YTHDC1: variants seen among roughly 807,000 people sequenced by gnomAD.
The protein encoded by YTHDC1 is YTH domain-containing protein 1.
YTHDC1 carries 12 observed loss-of-function variants against 107.0 expected under a neutral mutation model. That is an observed-to-expected ratio of 0.11 (90% CI 0.07 to 0.18). The LOEUF is 0.18. YTHDC1 is among the 10% of genes least tolerant of loss of function. The pLI, the probability that YTHDC1 is intolerant of heterozygous loss-of-function variation, is 1.00. For missense variants in YTHDC1, 635 were observed against 898.8 expected, an observed-to-expected ratio of 0.71 and a Z score of 3.75; for synonymous variants, 280 against 289.5, an observed-to-expected ratio of 0.97 and a Z score of 0.33.
intron 1 of YTHDC1, among the ~76,000 whole-genome samples, chr4:68,344,394 G>A (rs555585664): frequency 9.2e-5 from 14 of 152,060 alleles, no homozygotes; most frequent in Middle Eastern, 3.4e-3. Context: ...TTAGTATACC[G>A]TATATAATAC....
rs1334575009 is a variant in YTHDC1, at chr4:68,323,382, T to C, written c.1435-467A>G. ...TTAAAATTAAATCATTTTCAGCTATTTGTAATTGAAAAAGTGAAAACATTT... is the reference window on the plus strand; with the variant it reads ...TTAAAATTAAATCATTTTCAGCTATCTGTAATTGAAAAAGTGAAAACATTT... On this transcript the variant is annotated intron_variant, in intron 10 of 16. Transcript: ENST00000344157. Among the ~76,000 whole-genome samples the C allele has an allele frequency of 1.3e-5, 2 of 152,244 alleles. 1 individual carries two copies. The highest frequency in any genetic ancestry group is 4.1e-4 in the South Asian group (2 of 4,838).
At chr4:68,346,102 C>T (rs371892879) in intron 1 of YTHDC1, among the ~76,000 whole-genome samples, 106 of 56,648 alleles carry the variant, frequency 1.9e-3, no homozygotes, top group African/African-American at 5.9e-3. Context: ...TATATATATA[C>T]ACACACACCT....
rs1721449915 is a variant in YTHDC1 at position 68,313,327 on chromosome 4, A to C, written c.*772T>G. ...GAAAAAGATACAAAAGATAACCGTCAATCTTTACCAATTTATTTTATACAA... is the reference window on the plus strand; with the variant it reads ...GAAAAAGATACAAAAGATAACCGTCCATCTTTACCAATTTATTTTATACAA... On this transcript the variant is annotated 3_prime_UTR_variant, in exon 17 of 17. Coordinates refer to ENST00000344157, the MANE Select transcript of YTHDC1 (RefSeq NM_001031732.4). The C allele has an allele frequency of 1.3e-5, 2 of 152,638 alleles. No homozygotes were observed. Among genetic ancestry groups the C allele is most frequent in the Non-Finnish European group, 2.9e-5 (2 of 68,040 alleles). The allele number at this position is 152,638 out of a possible 1,614,324, so 9.5% of individuals were successfully genotyped here.
At chr4:68,338,663 C>A (rs1341602248) in intron 1 of YTHDC1, among the ~76,000 whole-genome samples, 1 of 152,176 alleles carries the variant, frequency 6.6e-6, no homozygotes, top group Non-Finnish European at 1.5e-5. Flanking sequence ...CCAGCCTGGC[C>A]AACATGGCAA....
At position 68,322,844 on chromosome 4, in the gene YTHDC1, C is replaced by T. The variant is rs1338535917; in HGVS notation, c.1506G>A (p.Gln502=). 1 of 1,614,032 alleles carries T rather than the reference C, an allele frequency of 6.2e-7. No individual in the cohort carries two copies. The highest frequency in any genetic ancestry group is 8.5e-7 in the Non-Finnish European group (1 of 1,180,022). ...FPPDESIDLY[Q]VIHKMRHKRR... ...TCTTGTGACGCATTTTATGAATGACCTGATACAAGTCAATACTTTCATCGG... is the reference window on the plus strand; with the variant it reads ...TCTTGTGACGCATTTTATGAATGACTTGATACAAGTCAATACTTTCATCGG... Residue 502 remains glutamine, a synonymous_variant, in exon 11 of 17, where the codon CAG becomes CAA. Coordinates refer to ENST00000344157, the MANE Select transcript of YTHDC1 (RefSeq NM_001031732.4). The surrounding 1 kb of genome is among the most constrained non-coding windows in gnomAD (Gnocchi z 4.8).
intron 7 of YTHDC1, among the ~76,000 whole-genome samples, chr4:68,331,604 T>A (rs1327733115): frequency 6.6e-6 from 1 of 152,108 alleles, no homozygotes; most frequent in African/African-American, 2.4e-5. Context: ...ACTATGCATA[T>A]CTTTTTTGCA....
chr4:68,335,321 AC>A (rs1724035010), intron 4 of YTHDC1, among the ~76,000 whole-genome samples: 1 of 152,184 alleles, frequency 6.6e-6, no homozygotes, highest in Admixed American at 6.5e-5. Flanking sequence ...TTAATATAGT[AC>A]CTAAAGCATG....
intron 9 of YTHDC1, 87 bp from the exon 10 acceptor site, chr4:68,324,310 C>A: frequency 3.3e-6 from 4 of 1,200,660 alleles, no homozygotes; most frequent in Non-Finnish European, 4.8e-6. Flanking sequence ...CCTGTATTAA[C>A]TGTGACTTAA....
intron 1 of YTHDC1, among the ~76,000 whole-genome samples, chr4:68,342,888 A>G (rs1192804002): frequency 1.7e-5 from 1 of 59,614 alleles, no homozygotes; most frequent in Non-Finnish European, 3.8e-5. Flanking sequence ...CACTAGTTCT[A>G]GGTTGACTTT....
intron 4 of YTHDC1, among the ~76,000 whole-genome samples, chr4:68,335,290 TAAA>T (rs1724030575): frequency 6.6e-6 from 1 of 151,552 alleles, no homozygotes; most frequent in South Asian, 2.1e-4. Context: ...AACTATTGTA[TAAA>T]AAAAAATTTC....
At chr4:68,318,974 T>A (rs1480103592) in intron 12 of YTHDC1, 112 bp from the exon 13 acceptor site, 1 of 1,094,486 alleles carries the variant, frequency 9.1e-7, no homozygotes. Flanking sequence ...ATATGTACTT[T>A]AAGTGATGCT....
At chr4:68,317,225 CA>C (rs917772893) in intron 15 of YTHDC1, among the ~76,000 whole-genome samples, 4 of 148,102 alleles carry the variant, frequency 2.7e-5, no homozygotes, top group Non-Finnish European at 4.5e-5. Flanking sequence ...CCCTGTCTCT[CA>C]AAAAAAAAGT....
rs562250990 is a variant in YTHDC1, at chr4:68,345,591, G to A, written c.28+4135C>T. 4.6e-4 allele frequency among the ~76,000 whole-genome samples: 21 copies of A among 45,898 alleles called. No homozygotes were observed. The South Asian group carries it at 7.3e-3, about 16-fold the overall frequency. The allele number at this position is 45,898 out of a possible 152,430, so 30.1% of individuals were successfully genotyped here. ...AAACTTGGATTTCCCATCCAAAACC[G>A]CTCTTATAAAAACATACAATTTAAG... On this transcript the variant is annotated intron_variant, in intron 1 of 16. Coordinates refer to ENST00000344157, the MANE Select transcript of YTHDC1 (RefSeq NM_001031732.4).
chr4:68,324,426 C>A (rs1158138902), intron 9 of YTHDC1, among the ~76,000 whole-genome samples: 1 of 152,188 alleles, frequency 6.6e-6, no homozygotes, highest in Non-Finnish European at 1.5e-5. Flanking sequence ...AGCTTAAGAG[C>A]AAGGGCTTGA....
At chr4:68,327,534 T>G (rs1408204788) in intron 9 of YTHDC1, among the ~76,000 whole-genome samples, 2 of 152,164 alleles carry the variant, frequency 1.3e-5, no homozygotes, top group Non-Finnish European at 2.9e-5. Flanking sequence ...TTCAAGATTC[T>G]GCATTTTAAC....
chr4:68,317,851 T>C (rs1722030449), intron 15 of YTHDC1, among the ~76,000 whole-genome samples: 1 of 152,192 alleles, frequency 6.6e-6, no homozygotes, highest in African/African-American at 2.4e-5. Context: ...TTATATTTGA[T>C]AAGACAAAGC....
At chr4:68,346,253 T>C (rs1280580290) in intron 1 of YTHDC1, among the ~76,000 whole-genome samples, 1 of 151,618 alleles carries the variant, frequency 6.6e-6, no homozygotes, top group Non-Finnish European at 1.5e-5. Context: ...TCGTCTCTAC[T>C]AAAAATAAAA....
At chr4:68,330,379 G>A in intron 7 of YTHDC1, 69 bp from the exon 8 acceptor site, 3 of 1,057,708 alleles carry the variant, frequency 2.8e-6, no homozygotes, top group Non-Finnish European at 3.9e-6. Flanking sequence ...AGTTATGTTT[G>A]AAAAAAAACT....
At chr4:68,320,442 G>A (rs187016216) in intron 11 of YTHDC1, among the ~76,000 whole-genome samples, 3 of 152,198 alleles carry the variant, frequency 2.0e-5, no homozygotes, top group East Asian at 1.9e-4. Context: ...ATGCTATGAT[G>A]AGAAAATTGC....
Sources: allele counts gnomAD v4.1 joint callset (sites outside exome capture counted in the v4.1 genomes callset), GRCh38; gene constraint gnomAD v4.1.1; non-coding constraint Gnocchi (gnomAD v3.1); transcripts MANE v1.5; gene names NCBI Gene and HGNC (gene_info 2026-07-23, HGNC 2026-07-21).